Variants in ANKS1B observed in about 807,000 individuals in gnomAD.
ANKS1B encodes the protein ankyrin repeat and sterile alpha motif domain-containing protein 1B.
ANKS1B carries 36 observed loss-of-function variants against 148.3 expected under a neutral mutation model. The ratio of observed to expected loss-of-function variants is 0.24; its 90% confidence interval spans 0.19 to 0.32. The LOEUF is 0.32. Among genes scored for constraint, ANKS1B ranks in the 10% least tolerant of loss-of-function variants. ANKS1B has a pLI of 1.00. For synonymous variants in ANKS1B, 542 were observed against 560.8 expected (o/e 0.97, Z 0.47); for missense variants, 1,157 against 1,542.6 (o/e 0.75, Z 4.19).
chr12:99,771,137 C>T (rs2063151719), intron 8 of ANKS1B, among the ~76,000 whole-genome samples: 1 of 151,972 alleles, frequency 6.6e-6, no homozygotes, highest in Non-Finnish European at 1.5e-5. Context: ...CATACAGACC[C>T]CAGGGCATAT....
At chr12:99,517,163 A>C (rs981150998) in intron 9 of ANKS1B, among the ~76,000 whole-genome samples, 1 of 151,970 alleles carries the variant, frequency 6.6e-6, no homozygotes, top group Non-Finnish European at 1.5e-5. Context: ...ATATCTTTTC[A>C]TTTTCTTGTA....
At chr12:98,735,660 T>C in intron 9 of ANKS1B, 1 of 757,398 alleles carries the variant, frequency 1.3e-6, no homozygotes, top group South Asian at 1.4e-5. Flanking sequence ...TTCATTTATT[T>C]ATTCACTTAG....
At chr12:99,428,703 C>T (rs1352282992) in intron 11 of ANKS1B, among the ~76,000 whole-genome samples, 1 of 152,060 alleles carries the variant, frequency 6.6e-6, no homozygotes, top group Admixed American at 6.5e-5. Context: ...TCTAGCCCTG[C>T]CCACTGAGAG....
chr12:99,723,875 G>T (rs2058353717), intron 8 of ANKS1B, among the ~76,000 whole-genome samples: 1 of 152,060 alleles, frequency 6.6e-6, no homozygotes, highest in Non-Finnish European at 1.5e-5. Context: ...TGCCTGAAGT[G>T]AATGCCCAGC....
chr12:99,242,763 A>G lies in ANKS1B; in HGVS notation c.2419+1579T>C, dbSNP rs140805820. Among the ~76,000 whole-genome samples the G allele has an allele frequency of 4.4e-3, 675 of 152,232 alleles. 17 individuals are homozygous for G. The East Asian group carries it at 0.068, about 15-fold the overall frequency. On this transcript the variant is annotated intron_variant, in intron 14 of 26. Coordinates refer to ENST00000683438, the MANE Select transcript of ANKS1B (RefSeq NM_001352186.2). ...ACACATCTACAACCATCTGATCTTC[A>G]ACAAACCTGACAAAAACAAGCAATG...
At chr12:98,827,762 G>C (rs752723304) in intron 19 of ANKS1B, among the ~76,000 whole-genome samples, 16 of 152,122 alleles carry the variant, frequency 1.1e-4, no homozygotes, top group Non-Finnish European at 2.2e-4. Flanking sequence ...AATAGCTAAT[G>C]CTCATTAAAG....
intron 8 of ANKS1B, among the ~76,000 whole-genome samples, chr12:99,729,765 C>T (rs867390948): frequency 5.5e-4 from 84 of 152,282 alleles, no homozygotes; most frequent in African/African-American, 1.9e-3. Context: ...TGGGTAAACC[C>T]ACCCCTGCTC....
chr12:99,850,287 C>CCCTCTCTCTT (rs2087534530), intron 1 of ANKS1B, among the ~76,000 whole-genome samples: 1 of 130,898 alleles, frequency 7.6e-6, no homozygotes, highest in African/African-American at 2.6e-5. Flanking sequence ...GAAAGTCTCT[C>CCCTCTCTCTT]TCTCTCTCTC....
chr12:99,731,649 T>C (rs148840714), intron 8 of ANKS1B, among the ~76,000 whole-genome samples: 221 of 152,254 alleles, frequency 1.5e-3, no homozygotes, highest in Non-Finnish European at 2.7e-3. Flanking sequence ...CCTTATACCA[T>C]ATGCAAAATA....
chr12:99,701,987 G>A (rs1419552491), intron 8 of ANKS1B, among the ~76,000 whole-genome samples: 4 of 152,140 alleles, frequency 2.6e-5, no homozygotes, highest in Admixed American at 6.5e-5. Flanking sequence ...TATGAATAGT[G>A]CTGCTGTAAA....
At chr12:98,758,206 C>T (rs1207507450) in intron 25 of ANKS1B, among the ~76,000 whole-genome samples, 1 of 151,886 alleles carries the variant, frequency 6.6e-6, no homozygotes, top group African/African-American at 2.4e-5. Context: ...ATCTGTATGC[C>T]GTAGGTCTAT....
intron 9 of ANKS1B, among the ~76,000 whole-genome samples, chr12:99,508,349 G>C (rs989087462): frequency 5.3e-5 from 8 of 151,786 alleles, no homozygotes; most frequent in African/African-American, 1.4e-4. Flanking sequence ...GTCAAGAACA[G>C]ACAGCAGACG....
chr12:98,960,994 G>A (rs936564612), intron 17 of ANKS1B, among the ~76,000 whole-genome samples: 6 of 152,078 alleles, frequency 3.9e-5, no homozygotes, highest in African/African-American at 1.2e-4. Flanking sequence ...GAATAAGAAT[G>A]AAGGATGCCT....
chr12:98,792,913 T>C (rs1412263095), intron 22 of ANKS1B, among the ~76,000 whole-genome samples: 2 of 152,210 alleles, frequency 1.3e-5, no homozygotes, highest in Admixed American at 6.5e-5. Context: ...CCATTGTGAA[T>C]AGTGCTAGAG....
At chr12:99,914,385 T>C (rs1240456495) in intron 1 of ANKS1B, among the ~76,000 whole-genome samples, 4 of 152,198 alleles carry the variant, frequency 2.6e-5, no homozygotes, top group Non-Finnish European at 1.5e-5. Flanking sequence ...TACAAGCTTA[T>C]ATAATAGCTC....
chr12:99,171,337 G>T (rs1191099070), intron 14 of ANKS1B, among the ~76,000 whole-genome samples: 1 of 152,144 alleles, frequency 6.6e-6, no homozygotes, highest in Non-Finnish European at 1.5e-5. Flanking sequence ...CTGATAAAAG[G>T]ATAGCCATTC....
chr12:99,563,678 A>G (rs1397405996), intron 9 of ANKS1B, among the ~76,000 whole-genome samples: 1 of 152,180 alleles, frequency 6.6e-6, no homozygotes, highest in Admixed American at 6.5e-5. Context: ...ACACAGAGCA[A>G]ATGCTGTTGG....
chr12:99,077,429 C>A (rs1001947353), intron 16 of ANKS1B, among the ~76,000 whole-genome samples: 7 of 152,010 alleles, frequency 4.6e-5, no homozygotes, highest in African/African-American at 1.7e-4. Flanking sequence ...AATAAGTCGC[C>A]CTGTCAAAAG....
chr12:99,377,234 T>C (rs1382100710), intron 12 of ANKS1B, among the ~76,000 whole-genome samples: 2 of 151,982 alleles, frequency 1.3e-5, no homozygotes, highest in East Asian at 1.9e-4. Flanking sequence ...TCTCTATCTC[T>C]TGACCTCGTG....
Sources: gnomAD v4.1 joint callset for allele counts (sites outside exome capture counted in the v4.1 genomes callset) on GRCh38, gnomAD v4.1.1 for gene constraint, MANE v1.5 for transcripts, NCBI Gene and HGNC (gene_info 2026-07-23, HGNC 2026-07-21) for gene names.